The following MYO18B variants were observed in gnomAD, a reference collection of about 807,000 sequenced individuals.
MYO18B encodes unconventional myosin-XVIIIb.
Under a neutral mutation model 273.0 loss-of-function variants are expected in MYO18B, and 204 were observed. That is an observed-to-expected ratio of 0.75 (90% CI 0.67 to 0.84). The LOEUF is 0.84. Among genes scored for constraint, MYO18B ranks in the 40% least tolerant of loss-of-function variants. The pLI is 0.00. For synonymous variants in MYO18B, 1,330 were observed against 1,305.7 expected (o/e 1.02, Z -0.40); for missense variants, 3,212 against 3,287.6 (o/e 0.98, Z 0.56).
At chr22:25,753,652 C>G (rs1019099708) in intron 1 of MYO18B, among the ~76,000 whole-genome samples, 4 of 152,178 alleles carry the variant, frequency 2.6e-5, no homozygotes, top group Admixed American at 6.5e-5. Context: ...TAGCTTCACT[C>G]CTGCAGCAGG....
rs774628691 is a variant in MYO18B at position 25,768,356 on chromosome 22, G to A, written c.440G>A (p.Gly147Asp). The change falls in exon 4 of 44, where the codon GGC (glycine) becomes GAC (aspartate). Residue 147 changes from glycine to aspartate, a missense_variant. Transcript: ENST00000335473. ...PTKKTVPFKR[G>D]VRRGDVLLMV... ...AAAAAGACTGTCCCCTTCAAGAGGG[G>A]CGTGAGGAGGGGTGATGTGTTGTTG... 1.1e-5 allele frequency: 17 copies of A among 1,613,864 alleles called. 1 individual carries two copies. In the Middle Eastern group the frequency reaches 5.0e-4, roughly 47 times the overall value.
chr22:26,014,421 AG>A (rs1457958143), intron 42 of MYO18B, among the ~76,000 whole-genome samples: 3 of 152,212 alleles, frequency 2.0e-5, no homozygotes, highest in Admixed American at 1.3e-4. Flanking sequence ...TTATTCTTTC[AG>A]GTCAGCAAAT....
At chr22:25,746,327 T>C (rs2085777992) in intron 1 of MYO18B, among the ~76,000 whole-genome samples, 1 of 152,212 alleles carries the variant, frequency 6.6e-6, no homozygotes, top group Admixed American at 6.5e-5. Flanking sequence ...ACCTAGTTAT[T>C]ATTCAAAGCA....
chr22:25,922,834 A>G (rs1172635300), intron 34 of MYO18B, among the ~76,000 whole-genome samples: 1 of 152,212 alleles, frequency 6.6e-6, no homozygotes, highest in Non-Finnish European at 1.5e-5. Flanking sequence ...GTCAGTTTCT[A>G]TCTGTAAAAC....
intron 42 of MYO18B, among the ~76,000 whole-genome samples, chr22:26,013,371 C>T (rs549843670): frequency 5.3e-5 from 8 of 152,168 alleles, no homozygotes; most frequent in South Asian, 2.1e-4. Flanking sequence ...GCAATTATAC[C>T]ACCACTGAGA....
At chr22:25,826,221 A>G (rs2089484415) in intron 13 of MYO18B, among the ~76,000 whole-genome samples, 188 bp from the exon 14 acceptor site, 1 of 152,164 alleles carries the variant, frequency 6.6e-6, no homozygotes, top group Admixed American at 6.5e-5. Context: ...GTTACATAGG[A>G]CGCTGTAGGC....
At chr22:25,795,833 T>G (rs2087883627) in intron 11 of MYO18B, among the ~76,000 whole-genome samples, 1 of 152,178 alleles carries the variant, frequency 6.6e-6, no homozygotes, top group African/African-American at 2.4e-5. Context: ...AGTTTCCCAG[T>G]TAGAGGAAGT....
At chr22:26,046,719 G>T in the MYO18B span, among the ~76,000 whole-genome samples, 1 of 152,294 alleles carries the variant, frequency 6.6e-6, no homozygotes, top group Non-Finnish European at 1.5e-5. Flanking sequence ...TCAAGACATT[G>T]CTTCCCTCAG....
chr22:25,839,124 GTGTT>G (rs36220218), intron 17 of MYO18B, among the ~76,000 whole-genome samples: 34,823 of 149,316 alleles, frequency 0.23, 4,806 homozygotes, highest in Admixed American at 0.31. Flanking sequence ...ATATGTATGA[GTGTT>G]TGTGTATATG....
Position 25,847,630 on chromosome 22 carries a change from G to A in MYO18B, c.3753G>A (p.Glu1251=). ...RVQLAGFHIL[E]ALRLHRTGYA... ...AGCTTGCTGGGTTCCACATCCTGGA[G>A]GCTCTGCGTCTGCATAGGACAGGTA... Residue 1251 remains glutamate, a synonymous_variant, in exon 20 of 44, where the codon GAG becomes GAA. Transcript: ENST00000335473. The A allele has an allele frequency of 1.3e-6, 2 of 1,559,848 alleles. No homozygotes were observed. The highest frequency in any genetic ancestry group is 1.7e-6 in the Non-Finnish European group (2 of 1,152,372).
rs779452112 is a variant in MYO18B at position 26,027,324 on chromosome 22, G to A, written c.7350G>A (p.Lys2450=). The A allele has an allele frequency of 3.1e-6, 5 of 1,613,996 alleles. No individual in the cohort carries two copies. The highest frequency in any genetic ancestry group is 1.1e-5 in the South Asian group (1 of 91,082). The part of the protein sequence containing the change: ...DFDDFLPAIR[K]PQTPTSLAGS... The stretch of plus-strand genomic sequence containing the variant: ...ATGACTTCCTCCCAGCTATCCGGAA[G>A]CCCCAGACACCTACCTCCTTGGCTG... The change falls in exon 43 of 44, where the codon AAG becomes AAA. Residue 2450 remains lysine, a synonymous_variant. Transcript: ENST00000335473. This position sits in a 1 kb window ranked among gnomAD's most constrained non-coding sequence, Gnocchi z 4.1.
At chr22:26,013,550 G>A (rs190457880) in intron 42 of MYO18B, among the ~76,000 whole-genome samples, 50 of 152,286 alleles carry the variant, frequency 3.3e-4, no homozygotes, top group African/African-American at 8.4e-4. Context: ...TCTGTCGGGC[G>A]TATACTCAGC....
intron 25 of MYO18B, among the ~76,000 whole-genome samples, chr22:25,878,391 G>T (rs2091257748): frequency 6.6e-6 from 1 of 152,090 alleles, no homozygotes; most frequent in African/African-American, 2.4e-5. Context: ...ATGAACTTTT[G>T]TTTATCAGGG....
At chr22:26,057,966 G>A in the MYO18B span, among the ~76,000 whole-genome samples, 1 of 152,056 alleles carries the variant, frequency 6.6e-6, no homozygotes, top group African/African-American at 2.4e-5. Flanking sequence ...ATCAATCATG[G>A]AAATCTTTCC....
intron 34 of MYO18B, among the ~76,000 whole-genome samples, chr22:25,933,353 C>T (rs1041636722): frequency 6.6e-6 from 1 of 152,168 alleles, no homozygotes; most frequent in Admixed American, 6.5e-5. Flanking sequence ...CCCCACCCTC[C>T]ACCTGGCCTT....
chr22:25,980,522 T>C (rs1280929182), intron 39 of MYO18B, among the ~76,000 whole-genome samples: 1 of 152,168 alleles, frequency 6.6e-6, no homozygotes, highest in Admixed American at 6.5e-5. Flanking sequence ...CTGCCTTTAA[T>C]ATACAAGTGT....
chr22:25,997,958 AACACAC>A (rs993922964), intron 40 of MYO18B, among the ~76,000 whole-genome samples: 1 of 105,706 alleles, frequency 9.5e-6, no homozygotes, highest in Non-Finnish European at 2.0e-5. Flanking sequence ...CACACACACA[AACACAC>A]ACACACACAC....
At chr22:25,910,552 A>T (rs1247053352) in intron 32 of MYO18B, among the ~76,000 whole-genome samples, 2 of 152,204 alleles carry the variant, frequency 1.3e-5, no homozygotes, top group East Asian at 3.8e-4. Flanking sequence ...ATCATTGTGT[A>T]TTTAATAATG....
At chr22:25,769,595 A>G (rs938988447) in intron 4 of MYO18B, among the ~76,000 whole-genome samples, 167 bp downstream of exon 4, 13 of 152,254 alleles carry the variant, frequency 8.5e-5, no homozygotes, top group African/African-American at 2.9e-4. Context: ...GGGGACGAGC[A>G]CTTCCTCCAT....
Sources: gnomAD v4.1 joint callset for allele counts (sites outside exome capture counted in the v4.1 genomes callset) on GRCh38, gnomAD v4.1.1 for gene constraint, Gnocchi (gnomAD v3.1) non-coding constraint, MANE v1.5 for transcripts, NCBI Gene and HGNC (gene_info 2026-07-23, HGNC 2026-07-21) for gene names.